The following ORC3 variants were observed in gnomAD, a reference collection of about 807,000 sequenced individuals.
ORC3 encodes the protein origin recognition complex subunit 3.
A neutral mutation model predicts 100.7 loss-of-function variants in ORC3; 78 were observed. That is an observed-to-expected ratio of 0.77 (90% CI 0.65 to 0.94). The LOEUF (loss-of-function observed/expected upper bound fraction) is 0.94, where lower values mean the gene tolerates loss of function less well. ORC3 is among the 40% of genes least tolerant of loss of function. The pLI is 0.00. For missense variants in ORC3, 789 were observed against 823.9 expected (o/e 0.96, Z 0.52); for synonymous variants, 295 against 289.3 (o/e 1.02, Z -0.20).
intron 13 of ORC3, among the ~76,000 whole-genome samples, chr6:87,641,981 C>G (rs13198094): frequency 6.6e-6 from 1 of 152,042 alleles, no homozygotes; most frequent in African/African-American, 2.4e-5. Flanking sequence ...CATCCAAGAG[C>G]TTTGTAAGAC....
intron 17 of ORC3, among the ~76,000 whole-genome samples, chr6:87,663,907 A>T (rs1452560813): frequency 6.6e-6 from 1 of 152,228 alleles, no homozygotes; most frequent in African/African-American, 2.4e-5. Flanking sequence ...AGAGCATTCC[A>T]GTGTACTGGC....
chr6:87,598,128 C>T (rs1777604155), intron 2 of ORC3, among the ~76,000 whole-genome samples: 1 of 152,188 alleles, frequency 6.6e-6, no homozygotes, highest in Non-Finnish European at 1.5e-5. Context: ...CTCCTGGGCT[C>T]CGGGAATCCT....
chr6:87,611,789 A>G (rs532696639), intron 7 of ORC3, among the ~76,000 whole-genome samples: 3 of 152,204 alleles, frequency 2.0e-5, no homozygotes, highest in Non-Finnish European at 4.4e-5. Context: ...CTGAAAAAAA[A>G]AAAAGAAAAA....
chr6:87,637,392 C>T (rs142364502), intron 13 of ORC3, among the ~76,000 whole-genome samples: 194 of 152,200 alleles, frequency 1.3e-3, no homozygotes, highest in African/African-American at 3.9e-3. Flanking sequence ...TGGAAAAATA[C>T]CTCCCCATGG....
intron 4 of ORC3, among the ~76,000 whole-genome samples, chr6:87,605,192 C>G (rs1715312562): frequency 6.6e-6 from 1 of 152,158 alleles, no homozygotes; most frequent in Non-Finnish European, 1.5e-5. Context: ...TTTATAGAGA[C>G]AGGTTCTCAC....
intron 1 of ORC3, among the ~76,000 whole-genome samples, chr6:87,593,407 A>G (rs189949997): frequency 6.6e-6 from 1 of 152,244 alleles, no homozygotes; most frequent in Non-Finnish European, 1.5e-5. Context: ...CAACTACGAT[A>G]TACAATTAAA....
the ORC3 span, among the ~76,000 whole-genome samples, chr6:87,677,654 C>T: frequency 1.3e-5 from 2 of 152,176 alleles, no homozygotes; most frequent in Non-Finnish European, 1.5e-5. Flanking sequence ...GTTACCAAGG[C>T]GGGCATGAGC....
chr6:87,644,079 C>CTTTTTTTTTTTTTT lies in ORC3; in HGVS notation c.1382+7611_1382+7624dup, dbSNP rs1156943778. Among the ~76,000 whole-genome samples the CTTTTTTTTTTTTTT allele has an allele frequency of 3.3e-4, 17 of 51,422 alleles. 1 individual carries two copies. Among genetic ancestry groups the CTTTTTTTTTTTTTT allele is most frequent in the South Asian group, 8.6e-4 (1 of 1,166 alleles). The allele number at this position is 51,422 out of a possible 152,430, so 33.7% of individuals were successfully genotyped here. A position where few individuals can be genotyped will look rare whatever the true frequency, so the allele number is the denominator to read the frequency against. On this transcript the variant is annotated intron_variant, in intron 13 of 19. Coordinates refer to ENST00000392844, the MANE Select transcript of ORC3 (RefSeq NM_012381.4). ...CCACAGATACAGATGGCTGACTGTC[C>CTTTTTTTTTTTTTT]TTTTTTTTTTTTTTTTTTTTTTTTT...
chr6:87,651,623 T>C (rs1425756573), intron 13 of ORC3, among the ~76,000 whole-genome samples: 1 of 152,180 alleles, frequency 6.6e-6, no homozygotes, highest in Non-Finnish European at 1.5e-5. Flanking sequence ...AAAAAAACCC[T>C]GTGGAAATTT....
chr6:87,636,231 C>T (rs1767817063), intron 12 of ORC3, among the ~76,000 whole-genome samples, 176 bp from the exon 13 acceptor site: 1 of 152,114 alleles, frequency 6.6e-6, no homozygotes, highest in Non-Finnish European at 1.5e-5. Flanking sequence ...CGCGCCTGGC[C>T]GTAAATTGCA....
intron 13 of ORC3, among the ~76,000 whole-genome samples, chr6:87,638,454 G>A (rs901426150): frequency 6.6e-6 from 1 of 152,176 alleles, no homozygotes; most frequent in African/African-American, 2.4e-5. Flanking sequence ...CCTGAATGAT[G>A]CTTTGGAAAG....
rs763382461 is a variant in ORC3 at position 87,616,457 on chromosome 6, C to G, written c.987+30C>G. 12 of 888,948 alleles carry G rather than the reference C, an allele frequency of 1.3e-5. No individual in the cohort carries two copies. In the South Asian group the frequency reaches 1.4e-4, roughly 10 times the overall value. The allele number at this position is 888,948 out of a possible 1,614,324, so 55.1% of individuals were successfully genotyped here. ...GAACACAGTAATGGGTTTGAAAATT[C>G]TCAAGCTGATTCTAAATAATTTGCA... On this transcript the variant is annotated intron_variant, in intron 9 of 19. Transcript: ENST00000392844.
chr6:87,609,050 T>G, intron 6 of ORC3, 46 bp from the exon 7 acceptor site: 1 of 1,499,084 alleles, frequency 6.7e-7, no homozygotes, highest in Non-Finnish European at 8.9e-7. Context: ...ATTGTTTGAG[T>G]GGTAAGGCTT....
chr6:87,619,018 G>T (rs1241303032), intron 9 of ORC3, among the ~76,000 whole-genome samples: 1 of 152,128 alleles, frequency 6.6e-6, no homozygotes. Flanking sequence ...AGATATTTAG[G>T]ACTTATCCTT....
chr6:87,627,933 C>T (rs1044218094), intron 11 of ORC3, among the ~76,000 whole-genome samples: 10 of 152,194 alleles, frequency 6.6e-5, no homozygotes, highest in African/African-American at 2.2e-4. Flanking sequence ...CCCACCTAAA[C>T]AAATGATTGA....
At chr6:87,598,719 C>G (rs1299101453) in intron 2 of ORC3, among the ~76,000 whole-genome samples, 1 of 148,706 alleles carries the variant, frequency 6.7e-6, no homozygotes, top group Non-Finnish European at 1.5e-5. Flanking sequence ...ATACGAAAAT[C>G]TTTGAGGAAT....
rs28743183 is a variant in ORC3, at chr6:87,610,805, G to A, written c.714-1284G>A. Among the ~76,000 whole-genome samples the A allele has an allele frequency of 5.0e-3, 713 of 143,630 alleles. 62 individuals are homozygous for A. Among genetic ancestry groups the A allele is most frequent in the African/African-American group, 0.018 (663 of 36,966 alleles). The allele number at this position is 143,630 out of a possible 152,430, so 94.2% of individuals were successfully genotyped here. A position where few individuals can be genotyped will look rare whatever the true frequency, so the allele number is the denominator to read the frequency against. On this transcript the variant is annotated intron_variant, in intron 7 of 19. Coordinates refer to ENST00000392844, the MANE Select transcript of ORC3 (RefSeq NM_012381.4). ...CCTGACCTCATGATCCACCCGCCTC[G>A]GCCTCCCAAAGTGCTGGGATTACAG...
intron 14 of ORC3, among the ~76,000 whole-genome samples, chr6:87,655,568 G>A (rs1304185978): frequency 6.6e-6 from 1 of 151,822 alleles, no homozygotes; most frequent in African/African-American, 2.4e-5. Flanking sequence ...GCTCAGGCTG[G>A]TCTCGAACTC....
intron 2 of ORC3, chr6:87,595,135 G>T (rs1048864572): frequency 1.3e-5 from 2 of 152,188 alleles, no homozygotes; most frequent in Non-Finnish European, 2.9e-5. Context: ...ATCAATACAT[G>T]CTGAGAAAAA....
Sources: allele counts gnomAD v4.1 joint callset (sites outside exome capture counted in the v4.1 genomes callset), GRCh38; gene constraint gnomAD v4.1.1; transcripts MANE v1.5; gene names NCBI Gene and HGNC (gene_info 2026-07-23, HGNC 2026-07-21).